SLC17A1: variants seen among roughly 807,000 people sequenced by gnomAD.
The protein encoded by SLC17A1 is solute carrier family 17 member 1.
A neutral mutation model predicts 53.5 loss-of-function variants in SLC17A1; 51 were observed. That is an observed-to-expected ratio of 0.95 (90% confidence interval 0.76 to 1.20). The LOEUF is 1.20. Among genes scored for constraint, SLC17A1 ranks in the 50% most tolerant of loss-of-function variants. SLC17A1 has a pLI of 0.00. For synonymous variants in SLC17A1, 179 were observed against 198.8 expected, an observed-to-expected ratio of 0.90 and a Z score of 0.84; for missense variants, 538 against 568.2, an observed-to-expected ratio of 0.95 and a Z score of 0.54.
intron 6 of SLC17A1, among the ~76,000 whole-genome samples, chr6:25,817,372 C>T (rs577301842): frequency 2.0e-5 from 3 of 152,288 alleles, no homozygotes; most frequent in South Asian, 2.1e-4. Flanking sequence ...GTTTGACATA[C>T]GTGGACATCA....
the SLC17A1 span, among the ~76,000 whole-genome samples, chr6:25,771,366 G>A: frequency 6.6e-6 from 1 of 152,088 alleles, no homozygotes; most frequent in Non-Finnish European, 1.5e-5. Flanking sequence ...ATGAGTCCAG[G>A]AGTTTGAAAC....
At chr6:25,809,439 A>C (rs1268761496) in intron 10 of SLC17A1, among the ~76,000 whole-genome samples, 1 of 152,030 alleles carries the variant, frequency 6.6e-6, no homozygotes, top group African/African-American at 2.4e-5. Context: ...GGATTTAAGA[A>C]AGAAAAAGAT....
chr6:25,741,263 C>G, the SLC17A1 span, among the ~76,000 whole-genome samples: 119 of 152,150 alleles, frequency 7.8e-4, no homozygotes, highest in Non-Finnish European at 1.5e-3. Context: ...ATCAAAATAT[C>G]ACATTGTTAA....
intron 11 of SLC17A1, 44 bp downstream of exon 11, chr6:25,800,846 C>T (rs1763735728): frequency 1.6e-6 from 2 of 1,215,838 alleles, no homozygotes; most frequent in African/African-American, 3.0e-5. Flanking sequence ...TTTCTCTATA[C>T]AATTAATATT....
At chr6:25,727,249 C>CT in the SLC17A1 span, 2 of 1,612,426 alleles carry the variant, frequency 1.2e-6, no homozygotes, top group South Asian at 1.1e-5. Flanking sequence ...CATGCTGTGT[C>CT]TGAGGGCACC....
chr6:25,738,970 T>C, the SLC17A1 span, among the ~76,000 whole-genome samples: 1 of 152,188 alleles, frequency 6.6e-6, no homozygotes, highest in African/African-American at 2.4e-5. Context: ...TTGGGAAACA[T>C]TTTGCAGTTT....
the SLC17A1 span, among the ~76,000 whole-genome samples, chr6:25,765,840 T>A: frequency 6.6e-6 from 1 of 152,070 alleles, no homozygotes; most frequent in African/African-American, 2.4e-5. Context: ...GAAAATAATG[T>A]GAACTCAAAT....
chr6:25,781,659 T>TACAGAAAGCACATGGTGAG (rs1300014290), downstream of SLC17A1, among the ~76,000 whole-genome samples: 5 of 152,056 alleles, frequency 3.3e-5, no homozygotes, highest in Non-Finnish European at 5.9e-5. Context: ...TGTAGGCCTG[T>TACAGAAAGCACATGGTGAG]ACAGAAAGCA....
the SLC17A1 span, among the ~76,000 whole-genome samples, chr6:25,725,653 G>A: frequency 4.6e-5 from 7 of 152,122 alleles, no homozygotes; most frequent in East Asian, 1.3e-3. Flanking sequence ...GGAGTGCAGT[G>A]GAGCAATCAA....
the SLC17A1 span, among the ~76,000 whole-genome samples, chr6:25,764,774 G>A: frequency 6.6e-6 from 1 of 152,336 alleles, no homozygotes; most frequent in Non-Finnish European, 1.5e-5. Flanking sequence ...TCCACATCCT[G>A]CAGCTTTCCC....
intron 10 of SLC17A1, among the ~76,000 whole-genome samples, chr6:25,803,229 G>A (rs1031355373): frequency 6.6e-5 from 10 of 151,918 alleles, no homozygotes; most frequent in African/African-American, 2.2e-4. Flanking sequence ...GAGCCACCAC[G>A]CCCGGCCCCG....
intron 6 of SLC17A1, among the ~76,000 whole-genome samples, chr6:25,815,057 G>A (rs1156550788): frequency 6.8e-6 from 1 of 147,100 alleles, no homozygotes; most frequent in Non-Finnish European, 1.5e-5. Context: ...AAGAACTGTA[G>A]GACAATTATA....
chr6:25,784,153 C>G (rs533600810), intron 12 of SLC17A1, among the ~76,000 whole-genome samples: 3 of 152,218 alleles, frequency 2.0e-5, no homozygotes, highest in African/African-American at 7.2e-5. Flanking sequence ...CTGGGTTTTC[C>G]AGTGGAAACA....
chr6:25,749,579 G>A, the SLC17A1 span, among the ~76,000 whole-genome samples: 1 of 152,130 alleles, frequency 6.6e-6, no homozygotes, highest in African/African-American at 2.4e-5. Context: ...ACTGTATACA[G>A]GTAATGGCTT....
downstream of SLC17A1, chr6:25,779,266 G>T: frequency 3.8e-6 from 6 of 1,575,052 alleles, no homozygotes; most frequent in Non-Finnish European, 5.2e-6. Context: ...TTTCATGCCT[G>T]CTTGACTGAT....
At chr6:25,788,854 A>G (rs1763440418) in intron 12 of SLC17A1, among the ~76,000 whole-genome samples, 1 of 152,174 alleles carries the variant, frequency 6.6e-6, no homozygotes, top group Admixed American at 6.5e-5. Flanking sequence ...TCCTAATAGG[A>G]GCTCACTGCT....
intron 3 of SLC17A1, among the ~76,000 whole-genome samples, chr6:25,823,832 T>C (rs1764648320): frequency 6.6e-6 from 1 of 152,018 alleles, no homozygotes; most frequent in South Asian, 2.1e-4. Flanking sequence ...TGTTCATATG[T>C]GTGTCAGTCT....
the SLC17A1 span, chr6:25,771,070 A>G: frequency 2.2e-6 from 3 of 1,391,138 alleles, no homozygotes; most frequent in Non-Finnish European, 3.1e-6. Flanking sequence ...GATGCAATTT[A>G]TCTATGGTTA....
the SLC17A1 span, chr6:25,727,029 A>G: frequency 1.1e-5 from 17 of 1,614,096 alleles, no homozygotes; most frequent in Non-Finnish European, 1.4e-5. Flanking sequence ...GAGTTATTCT[A>G]TTTACATCTA....
Sources: allele counts gnomAD v4.1 joint callset (sites outside exome capture counted in the v4.1 genomes callset), GRCh38; gene constraint gnomAD v4.1.1; transcripts MANE v1.5; gene names NCBI Gene and HGNC (gene_info 2026-07-23, HGNC 2026-07-21).